Variants in PTPRD observed in about 807,000 individuals in gnomAD.
PTPRD encodes protein tyrosine phosphatase receptor type D.
PTPRD carries 34 observed loss-of-function variants against 214.5 expected under a neutral mutation model. That is an observed-to-expected ratio of 0.16 (90% CI 0.12 to 0.21). The LOEUF (loss-of-function observed/expected upper bound fraction) is 0.21, where lower values mean the gene tolerates loss of function less well. PTPRD is among the 10% of genes least tolerant of loss of function. The pLI, the probability that PTPRD is intolerant of heterozygous loss-of-function variation, is 1.00. For synonymous variants in PTPRD, 1,128 were observed against 845.7 expected (o/e 1.33, Z -5.79); for missense variants, 2,545 against 2,398.7 (o/e 1.06, Z -1.27).
At chr9:8,721,618 T>C (rs55885541) in intron 12 of PTPRD, among the ~76,000 whole-genome samples, 442 of 152,304 alleles carry the variant, frequency 2.9e-3, no homozygotes, top group Non-Finnish European at 4.0e-3. Context: ...GCATTTACTA[T>C]GTGCAAGGCA....
In PTPRD at chr9:8,445,210, C is replaced by G. The variant is rs555890062; in HGVS notation, c.3988+4515G>C. Among the ~76,000 whole-genome samples, 4 of 152,240 alleles carry G rather than the reference C, an allele frequency of 2.6e-5. 1 individual carries two copies. In the South Asian group the frequency reaches 8.3e-4, roughly 32 times the overall value. ...GTTATTGGTGATACAACTGATGTTA[C>G]TTAAATTGCCTTTTTCACACTAATT... is the stretch of plus-strand genomic sequence containing the variant. On this transcript the variant is annotated intron_variant, in intron 34 of 45. Coordinates refer to ENST00000381196, the MANE Select transcript of PTPRD (RefSeq NM_002839.4).
intron 9 of PTPRD, among the ~76,000 whole-genome samples, chr9:9,277,607 C>A (rs1946161366): frequency 6.6e-6 from 1 of 151,038 alleles, no homozygotes; most frequent in South Asian, 2.1e-4. Context: ...TATCTGTGAC[C>A]CTCTCAAAAT....
At chr9:10,216,324 C>T (rs888147232) in intron 3 of PTPRD, among the ~76,000 whole-genome samples, 1 of 151,796 alleles carries the variant, frequency 6.6e-6, no homozygotes, top group African/African-American at 2.4e-5. Flanking sequence ...TAGAGAGCTT[C>T]AAAAATATTG....
chr9:8,648,804 C>G (rs1263314659), intron 12 of PTPRD, among the ~76,000 whole-genome samples: 1 of 152,162 alleles, frequency 6.6e-6, no homozygotes, highest in African/African-American at 2.4e-5. Context: ...TATAGACACA[C>G]TATTTGACCA....
intron 3 of PTPRD, among the ~76,000 whole-genome samples, chr9:10,035,396 G>A (rs554139430): frequency 1.3e-5 from 2 of 151,964 alleles, no homozygotes; most frequent in African/African-American, 4.8e-5. Context: ...TCGTCTATCT[G>A]TTGATAATTT....
chr9:8,898,259 C>CTT (rs5896273), intron 11 of PTPRD, among the ~76,000 whole-genome samples: 119 of 150,620 alleles, frequency 7.9e-4, no homozygotes, highest in Admixed American at 7.1e-3. Context: ...AGAAAATGAA[C>CTT]TTTTTTTTTT....
chr9:9,816,797 GAA>G (rs762211865), intron 5 of PTPRD, among the ~76,000 whole-genome samples: 2 of 151,312 alleles, frequency 1.3e-5, no homozygotes, highest in Non-Finnish European at 2.9e-5. Flanking sequence ...TAGTGAACTG[GAA>G]AAAAAATCCT....
intron 3 of PTPRD, among the ~76,000 whole-genome samples, chr9:10,276,347 C>T (rs1484137824): frequency 3.3e-5 from 5 of 152,102 alleles, no homozygotes; most frequent in Admixed American, 6.5e-5. Flanking sequence ...TATTATTTGC[C>T]CCCAAGGACA....
chr9:9,317,955 T>A (rs1304551078), intron 9 of PTPRD, among the ~76,000 whole-genome samples: 3 of 152,070 alleles, frequency 2.0e-5, no homozygotes, highest in Non-Finnish European at 4.4e-5. Context: ...GCGGATCACT[T>A]GAGGTCTGGA....
At chr9:8,695,530 C>T (rs72700374) in intron 12 of PTPRD, among the ~76,000 whole-genome samples, 24,089 of 151,976 alleles carry the variant, frequency 0.16, 2,161 homozygotes, top group African/African-American at 0.23. Context: ...TGTTTATATG[C>T]CCAGACACTA....
chr9:8,836,058 T>C (rs998198338), intron 11 of PTPRD, among the ~76,000 whole-genome samples: 5 of 152,212 alleles, frequency 3.3e-5, no homozygotes, highest in South Asian at 2.1e-4. Flanking sequence ...GTTTAATTAA[T>C]GCATAAATTT....
intron 44 of PTPRD, among the ~76,000 whole-genome samples, chr9:8,324,188 T>A (rs1831256821): frequency 6.6e-6 from 1 of 151,738 alleles, no homozygotes; most frequent in Non-Finnish European, 1.5e-5. Flanking sequence ...ACCAGGGTGG[T>A]TTACTGCACC....
chr9:8,665,057 G>T (rs1424172555), intron 12 of PTPRD, among the ~76,000 whole-genome samples: 1 of 152,024 alleles, frequency 6.6e-6, no homozygotes, highest in Non-Finnish European at 1.5e-5. Flanking sequence ...TCAAACTACA[G>T]CAATAAAAGT....
At chr9:8,797,328 C>T (rs1284498342) in intron 11 of PTPRD, 5 of 152,114 alleles carry the variant, frequency 3.3e-5, no homozygotes, top group African/African-American at 4.8e-5. Flanking sequence ...ATATGAAAAG[C>T]TCATTTAAAG....
At chr9:9,699,315 T>C (rs1206017906) in intron 7 of PTPRD, among the ~76,000 whole-genome samples, 1 of 152,164 alleles carries the variant, frequency 6.6e-6, no homozygotes, top group Non-Finnish European at 1.5e-5. Context: ...AATTTCCTTT[T>C]CATATTATGT....
At chr9:10,482,171 A>C (rs528950913) in intron 2 of PTPRD, among the ~76,000 whole-genome samples, 1 of 152,092 alleles carries the variant, frequency 6.6e-6, no homozygotes, top group African/African-American at 2.4e-5. Flanking sequence ...GGAGATTGAG[A>C]CCAGCCCGGC....
intron 12 of PTPRD, among the ~76,000 whole-genome samples, chr9:8,656,385 G>T (rs956837909): frequency 8.5e-5 from 13 of 152,228 alleles, no homozygotes; most frequent in African/African-American, 3.1e-4. Context: ...CTTCTCCTGG[G>T]TGAAATCTTT....
At chr9:9,329,536 A>T (rs1569567421) in intron 9 of PTPRD, among the ~76,000 whole-genome samples, 1 of 152,180 alleles carries the variant, frequency 6.6e-6, no homozygotes, top group African/African-American at 2.4e-5. Context: ...CTCTGTCTGG[A>T]TATACAAAAG....
chr9:9,261,977 G>A (rs2099980323), intron 9 of PTPRD, among the ~76,000 whole-genome samples: 1 of 151,684 alleles, frequency 6.6e-6, no homozygotes, highest in East Asian at 2.0e-4. Flanking sequence ...TATACTAAAG[G>A]AGGAGGATAA....
Sources: gnomAD v4.1 joint callset for allele counts (sites outside exome capture counted in the v4.1 genomes callset) on GRCh38, gnomAD v4.1.1 for gene constraint, MANE v1.5 for transcripts, NCBI Gene and HGNC (gene_info 2026-07-23, HGNC 2026-07-21) for gene names.